The following WIPF3 variants were observed in gnomAD, a reference collection of about 807,000 sequenced individuals.
WIPF3 encodes the protein WAS/WASL interacting protein family member 3.
In WIPF3, 33 loss-of-function variants were observed where a neutral mutation model predicts 38.9. That is an observed-to-expected ratio of 0.85 (90% CI 0.64 to 1.14). The LOEUF is 1.14. Ranked by LOEUF, WIPF3 falls within the 50% of genes most tolerant of loss-of-function variation. The pLI is 0.00. For synonymous variants in WIPF3, 324 were observed against 269.3 expected (o/e 1.20, Z -1.99); for missense variants, 711 against 652.5 (o/e 1.09, Z -0.98).
At position 29,888,194 on chromosome 7, in the gene WIPF3, G is replaced by T; in HGVS notation, c.1226G>T (p.Arg409Leu). The change falls in exon 6 of 9, where the codon CGA becomes CTA. Residue 409 changes from arginine (R) to leucine (L), a missense_variant. Physicochemically the swap from Arg to Leu is moderately radical, Grantham distance 102. Coordinates refer to ENST00000242140, the MANE Select transcript of WIPF3 (RefSeq NM_001080529.3). ...TPTQQPGGQL[R>L]NGSLHIIDDF... Reference sequence around the variant, plus strand: ...ACGCAGCAGCCTGGAGGTCAACTGCGAAATGGAAGCCTGCACATCATTGGT... The same window carrying T: ...ACGCAGCAGCCTGGAGGTCAACTGCTAAATGGAAGCCTGCACATCATTGGT... 6.2e-7 allele frequency: 1 copy of T among 1,611,006 alleles called. No homozygotes were observed. Among genetic ancestry groups the T allele is most frequent in the East Asian group, 2.2e-5 (1 of 44,778 alleles).
chr7:29,807,412 A>G (rs1211682448), intron 1 of WIPF3, among the ~76,000 whole-genome samples: 1 of 152,150 alleles, frequency 6.6e-6, no homozygotes, highest in East Asian at 1.9e-4. Flanking sequence ...GTGGCAGAGC[A>G]GATTTCCCCC....
chr7:29,833,246 T>C (rs1345875116), intron 1 of WIPF3, among the ~76,000 whole-genome samples: 1 of 152,250 alleles, frequency 6.6e-6, no homozygotes, highest in Non-Finnish European at 1.5e-5. Context: ...CGGATAGTGA[T>C]GCTGGTTGCA....
intron 1 of WIPF3, among the ~76,000 whole-genome samples, chr7:29,821,316 A>G (rs954094035): frequency 6.6e-6 from 1 of 152,024 alleles, no homozygotes; most frequent in Non-Finnish European, 1.5e-5. Context: ...TATTTTTGAG[A>G]CAGAATCTCA....
chr7:29,862,727 ATTTC>A (rs1242015619), intron 2 of WIPF3, among the ~76,000 whole-genome samples: 1 of 152,100 alleles, frequency 6.6e-6, no homozygotes, highest in Non-Finnish European at 1.5e-5. Context: ...CAACACTGTT[ATTTC>A]TTTATTTATC....
intron 2 of WIPF3, among the ~76,000 whole-genome samples, chr7:29,856,472 A>T (rs545432657): frequency 6.6e-6 from 1 of 152,174 alleles, no homozygotes; most frequent in South Asian, 2.1e-4. Context: ...TACAAAAAAT[A>T]AAAAAATTAG....
At chr7:29,855,839 C>A (rs1785180339) in intron 2 of WIPF3, among the ~76,000 whole-genome samples, 2 of 152,164 alleles carry the variant, frequency 1.3e-5, no homozygotes, top group South Asian at 4.2e-4. Flanking sequence ...CCAGAGTGAG[C>A]AAATCAAAGT....
chr7:29,832,086 A>C (rs975916981), intron 1 of WIPF3, among the ~76,000 whole-genome samples: 2 of 152,174 alleles, frequency 1.3e-5, no homozygotes, highest in Non-Finnish European at 2.9e-5. Flanking sequence ...CAGGGGAAGC[A>C]TTTCTGTCTC....
At position 29,884,460 on chromosome 7, in the gene WIPF3, T is replaced by C. The variant is rs1160595151; in HGVS notation, c.966T>C (p.Thr322=). ...PLPGVNSSSE[T]PPPLPPKSPS... is the part of the protein sequence containing the mutation. ...CAGGAGTTAATAGCAGCAGTGAAAC[T>C]CCACCCCCGCTACCCCCTAAATCCC... The change falls in exon 5 of 9, where the codon ACT becomes ACC. Residue 322 remains threonine (T), a synonymous_variant. Transcript: ENST00000242140. 2 of 1,500,268 alleles carry C rather than the reference T, an allele frequency of 1.3e-6. No homozygotes were observed. The highest frequency in any genetic ancestry group is 2.2e-5 in the Admixed American group (1 of 45,852). 92.9% of individuals were successfully genotyped at this position (1,500,268 alleles called of 1,614,324 possible).
chr7:29,812,247 A>T (rs563310195), intron 1 of WIPF3, among the ~76,000 whole-genome samples: 32 of 152,312 alleles, frequency 2.1e-4, no homozygotes, highest in African/African-American at 7.5e-4. Flanking sequence ...CCAGATGTGA[A>T]TTGTAGCAGC....
chr7:29,851,026 G>T (rs1031823522), intron 2 of WIPF3, among the ~76,000 whole-genome samples: 2 of 152,172 alleles, frequency 1.3e-5, no homozygotes, highest in Admixed American at 6.5e-5. Flanking sequence ...TTATATCAGT[G>T]GCAGTCCCCT....
At chr7:29,834,613 C>G in intron 1 of WIPF3, 55 bp from the exon 2 acceptor site, 1 of 1,362,150 alleles carries the variant, frequency 7.3e-7, no homozygotes, top group Non-Finnish European at 9.6e-7. Flanking sequence ...ATACACATTT[C>G]CTGCATGTAA....
At position 29,888,026 on chromosome 7, in the gene WIPF3, T is replaced by C. The variant is rs746459444; in HGVS notation, c.1100-42T>C. On this transcript the variant is annotated intron_variant, in intron 5 of 8. Transcript: ENST00000242140. Reference sequence around the variant, plus strand: ...CACATAAGGTTATAGCATCCACCATTCCCATCCGTGTTTCTGAGTACACCA... The same window carrying C: ...CACATAAGGTTATAGCATCCACCATCCCCATCCGTGTTTCTGAGTACACCA... 2.9e-5 allele frequency: 46 copies of C among 1,612,246 alleles called. 1 individual carries two copies. In the Admixed American group the frequency reaches 7.7e-4, roughly 27 times the overall value.
chr7:29,813,221 C>T (rs1449470372), intron 1 of WIPF3, among the ~76,000 whole-genome samples: 3 of 152,222 alleles, frequency 2.0e-5, no homozygotes, highest in Non-Finnish European at 4.4e-5. Flanking sequence ...CCCATCCTTA[C>T]TCATGTGGGT....
At chr7:29,908,914 A>G (rs914277808) in intron 8 of WIPF3, among the ~76,000 whole-genome samples, 5 of 151,890 alleles carry the variant, frequency 3.3e-5, no homozygotes, top group African/African-American at 1.2e-4. Flanking sequence ...ATCTCAAAAA[A>G]AAAAAAAAAA....
intron 8 of WIPF3, among the ~76,000 whole-genome samples, chr7:29,910,564 T>C (rs935424218): frequency 6.6e-6 from 1 of 152,156 alleles, no homozygotes; most frequent in Non-Finnish European, 1.5e-5. Context: ...AAGGATTATA[T>C]ACCATGACCA....
chr7:29,861,898 G>A (rs1785284792), intron 2 of WIPF3, among the ~76,000 whole-genome samples: 1 of 152,156 alleles, frequency 6.6e-6, no homozygotes, highest in Admixed American at 6.5e-5. Context: ...GGTAAATGAA[G>A]AAAGATTCAC....
At position 29,875,730 on chromosome 7, in the gene WIPF3, G is replaced by A; in HGVS notation, c.91-100G>A. The A allele has an allele frequency of 1.8e-5, 27 of 1,501,956 alleles. No individual in the cohort carries two copies. The South Asian group carries it at 3.3e-4, about 18-fold the overall frequency. 93.0% of individuals were successfully genotyped at this position (1,501,956 alleles called of 1,614,324 possible). A position where few individuals can be genotyped will look rare whatever the true frequency, so the allele number is the denominator to read the frequency against. ...TGAGATCAGCCTTGGGAGTGGGACG[G>A]GGAAGACAGAGAACTGCAAGAGGAG... On this transcript the variant is annotated intron_variant, in intron 2 of 8. Coordinates refer to ENST00000242140, the MANE Select transcript of WIPF3 (RefSeq NM_001080529.3).
intron 1 of WIPF3, among the ~76,000 whole-genome samples, chr7:29,827,847 T>C (rs1784648083): frequency 6.6e-6 from 1 of 152,078 alleles, no homozygotes; most frequent in Non-Finnish European, 1.5e-5. Flanking sequence ...CAGGCTGGAG[T>C]GTAGTGGTAC....
intron 2 of WIPF3, among the ~76,000 whole-genome samples, chr7:29,871,310 G>A (rs1583611846): frequency 1.3e-5 from 2 of 152,194 alleles, no homozygotes; most frequent in East Asian, 1.9e-4. Flanking sequence ...CACCCTGGCT[G>A]CTGACGCCTG....
Sources: allele counts gnomAD v4.1 joint callset (sites outside exome capture counted in the v4.1 genomes callset), GRCh38; gene constraint gnomAD v4.1.1; transcripts MANE v1.5; gene names NCBI Gene and HGNC (gene_info 2026-07-23, HGNC 2026-07-21).